The following COL1A2 variants were observed in gnomAD, a reference collection of about 807,000 sequenced individuals.
COL1A2 encodes collagen type I alpha 2 chain.
Under a neutral mutation model 174.3 loss-of-function variants are expected in COL1A2, and 49 were observed. The observed-to-expected ratio is 0.28, with a 90% CI of 0.22 to 0.36. The LOEUF (loss-of-function observed/expected upper bound fraction) is 0.36, where lower values mean the gene tolerates loss of function less well. Ranked by LOEUF, COL1A2 falls within the 10% of genes least tolerant of loss-of-function variation. The pLI, the probability that COL1A2 is intolerant of heterozygous loss-of-function variation, is 1.00. For synonymous variants in COL1A2, 655 were observed against 606.6 expected (o/e 1.08, Z -1.17); for missense variants, 1,438 against 1,822.7 (o/e 0.79, Z 3.84).
intron 3 of COL1A2, among the ~76,000 whole-genome samples, chr7:94,398,826 G>C (rs546782064): frequency 1.2e-4 from 18 of 152,016 alleles, no homozygotes; most frequent in African/African-American, 4.3e-4. Flanking sequence ...AATAGCTGAA[G>C]ACTATAGCAG....
intron 2 of COL1A2, among the ~76,000 whole-genome samples, 192 bp downstream of exon 2, chr7:94,397,950 C>A (rs549010615): frequency 6.6e-6 from 1 of 151,584 alleles, no homozygotes; most frequent in Non-Finnish European, 1.5e-5. Context: ...CCAAAATAGG[C>A]GGGGCTACTG....
In COL1A2 at chr7:94,416,453, C is replaced by G; in HGVS notation, c.1813C>G (p.Pro605Ala). Residue 605 changes from proline (P) to alanine (A), a missense_variant, in exon 31 of 52, where the codon CCT becomes GCT. Pro to Ala is a conservative substitution (Grantham distance 27). This residue lies in a region of COL1A2 where 867 missense variants were observed against 1,213.7 expected (regional missense o/e 0.71). Coordinates refer to ENST00000297268, the MANE Select transcript of COL1A2 (RefSeq NM_000089.4). Reference sequence around the variant, plus strand: ...GAGTGGTGCTGCCGGTCCTACTGGTCCTATTGGAAGCCGAGGTCCTTCTGG... The same window carrying G: ...GAGTGGTGCTGCCGGTCCTACTGGTGCTATTGGAAGCCGAGGTCCTTCTGG... ...GESGAAGPTG[P>A]IGSRGPSGPP... 1 of 1,588,200 alleles carries G rather than the reference C, an allele frequency of 6.3e-7. No homozygotes were observed. Among genetic ancestry groups the G allele is most frequent in the Non-Finnish European group, 8.6e-7 (1 of 1,166,482 alleles).
chr7:94,412,743 C>G lies in COL1A2; in HGVS notation c.1503+61C>G, dbSNP rs1791955374. On this transcript the variant is annotated intron_variant, in intron 25 of 51. Coordinates refer to ENST00000297268, the MANE Select transcript of COL1A2 (RefSeq NM_000089.4). Reference sequence around the variant, plus strand: ...TTCTGTAGCCAAATTTTACCAAACTCTAGTATTTATCTCCTGCGAATCAGT... The same window carrying G: ...TTCTGTAGCCAAATTTTACCAAACTGTAGTATTTATCTCCTGCGAATCAGT... The G allele has an allele frequency of 2.8e-6, 4 of 1,422,240 alleles. No individual in the cohort carries two copies. In the Admixed American group the frequency reaches 6.9e-5, roughly 25 times the overall value. The allele number at this position is 1,422,240 out of a possible 1,614,324, so 88.1% of individuals were successfully genotyped here.
rs1584320485 is a variant in COL1A2 at position 94,411,073 on chromosome 7, T to A, written c.1269T>A (p.Arg423=). 4 of 1,602,860 alleles carry A rather than the reference T, an allele frequency of 2.5e-6. No homozygotes were observed. In the East Asian group the frequency reaches 9.0e-5, roughly 36 times the overall value. Residue 423 remains arginine, a synonymous_variant, in exon 23 of 52, where the codon CGT becomes CGA. Coordinates refer to ENST00000297268, the MANE Select transcript of COL1A2 (RefSeq NM_000089.4). ...TTGAATAGGGCCCTCCTGGTAGTCG[T>A]GGTGCAAGTGGCCCTGCTGGAGTCC... The part of the protein sequence containing the change: ...RAGVMGPPGS[R]GASGPAGVRG...
Position 94,428,327 on chromosome 7 carries a change from T to A in COL1A2, c.3561T>A (p.Thr1187=). 6.2e-7 allele frequency: 1 copy of A among 1,614,134 alleles called. No individual in the cohort carries two copies. The highest frequency in any genetic ancestry group is 1.1e-5 in the South Asian group (1 of 91,078). ...GGATTGACCCTAACCAAGGATGCACTATGGATGCTATCAAAGTATACTGTG... is the reference window on the plus strand; with the variant it reads ...GGATTGACCCTAACCAAGGATGCACAATGGATGCTATCAAAGTATACTGTG... The part of the protein sequence containing the change: ...YYWIDPNQGC[T]MDAIKVYCDF... The change falls in exon 50 of 52, where the codon ACT becomes ACA. Residue 1187 remains threonine (T), a synonymous_variant. Transcript: ENST00000297268.
chr7:94,412,985 C>T (rs1791959572), intron 25 of COL1A2, 98 bp from the exon 26 acceptor site: 1 of 1,226,400 alleles, frequency 8.2e-7, no homozygotes, highest in Admixed American at 1.7e-5. Flanking sequence ...CAAAAGAACA[C>T]AAAAACAAGC....
chr7:94,420,713 T>A, intron 37 of COL1A2, 65 bp downstream of exon 37: 1 of 1,382,924 alleles, frequency 7.2e-7, no homozygotes, highest in Non-Finnish European at 1.0e-6. Flanking sequence ...TAAATATATA[T>A]CCGTCAAGTG....
chr7:94,420,742 A>C, intron 37 of COL1A2, 94 bp downstream of exon 37: 1 of 1,113,268 alleles, frequency 9.0e-7, no homozygotes, highest in Non-Finnish European at 1.3e-6. Context: ...GCAACAGGGA[A>C]TATACCAGAT....
intron 50 of COL1A2, 82 bp from the exon 51 acceptor site, chr7:94,429,106 T>C: frequency 9.5e-7 from 1 of 1,048,312 alleles, no homozygotes; most frequent in Non-Finnish European, 1.3e-6. Context: ...ATCTTTTTTT[T>C]TCTTTTTTTT....
chr7:94,414,015 T>C (rs1791986828), intron 28 of COL1A2, 68 bp downstream of exon 28: 5 of 1,441,764 alleles, frequency 3.5e-6, no homozygotes, highest in Non-Finnish European at 4.9e-6. Context: ...CACCATACCG[T>C]ACCTCTCTTC....
At chr7:94,414,011 ACC>A in intron 28 of COL1A2, 64 bp downstream of exon 28, 1 of 1,454,368 alleles carries the variant, frequency 6.9e-7, no homozygotes. Flanking sequence ...AAATCACCAT[ACC>A]GTACCTCTCT....
At position 94,411,168 on chromosome 7, in the gene COL1A2, T is replaced by A. The variant is rs377624499; in HGVS notation, c.1350+14T>A. 1.0e-5 allele frequency: 16 copies of A among 1,552,254 alleles called. No homozygotes were observed. The highest frequency in any genetic ancestry group is 1.4e-5 in the African/African-American group (1 of 73,336). Reference sequence around the variant, plus strand: ...ATGGGACCCAGAGTAAGTTTCAAACTGATTCTGAGCAAATCACACCTGGCA... The same window carrying A: ...ATGGGACCCAGAGTAAGTTTCAAACAGATTCTGAGCAAATCACACCTGGCA... On this transcript the variant is annotated intron_variant, in intron 23 of 51. Transcript: ENST00000297268.
At position 94,417,831 on chromosome 7, in the gene COL1A2, G is replaced by T; in HGVS notation, c.1971G>T (p.Lys657Asn). 1 of 1,589,536 alleles carries T rather than the reference G, an allele frequency of 6.3e-7. No homozygotes were observed. Among genetic ancestry groups the T allele is most frequent in the Non-Finnish European group, 8.6e-7 (1 of 1,166,800 alleles). The change falls in exon 32 of 52, where the codon AAG (lysine) becomes AAT (asparagine). Residue 657 changes from lysine to asparagine, a missense_variant and splice_region_variant. Lys to Asn is a moderately conservative substitution (Grantham distance 94, BLOSUM62 0). Transcript: ENST00000297268. ...AAGIPGGKGE[K>N]GEPGLRGEIG... Reference sequence around the variant, plus strand: ...GCATACCTGGAGGCAAGGGAGAAAAGGTACGTGTTGACCCCTATTACATAT... The same window carrying T: ...GCATACCTGGAGGCAAGGGAGAAAATGTACGTGTTGACCCCTATTACATAT...
rs1448901436 is a variant in COL1A2, at chr7:94,427,534, TC to T, written c.3268-91del. ...TATTTTTTACTGATGAGAACATGCT[TC>T]CGTGTGAAGCTCAACTGAAAATCTG... On this transcript the variant is annotated intron_variant, in intron 48 of 51. Transcript: ENST00000297268. 1.3e-4 allele frequency: 183 copies of T among 1,433,566 alleles called. 2 individuals carry two copies. In the East Asian group the frequency reaches 4.1e-3, roughly 32 times the overall value. 88.8% of individuals were successfully genotyped at this position (1,433,566 alleles called of 1,614,324 possible). A position where few individuals can be genotyped will look rare whatever the true frequency, so the allele number is the denominator to read the frequency against.
chr7:94,427,169 T>G lies in COL1A2; in HGVS notation c.3160-19T>G. 1 of 1,613,010 alleles carries G rather than the reference T, an allele frequency of 6.2e-7. No homozygotes were observed. Among genetic ancestry groups the G allele is most frequent in the Non-Finnish European group, 8.5e-7 (1 of 1,179,088 alleles). On this transcript the variant is annotated intron_variant, in intron 47 of 51. Transcript: ENST00000297268. ...TGGGATTCACCAGCTCACATGTACC[T>G]GGTGTCTGTCTTCCTTAGGGCCCTG... is the stretch of plus-strand genomic sequence containing the variant.
In COL1A2 at chr7:94,395,007, G is replaced by A; in HGVS notation, c.-25G>A. The A allele has an allele frequency of 1.9e-6, 3 of 1,610,636 alleles. No homozygotes were observed. Among genetic ancestry groups the A allele is most frequent in the Non-Finnish European group, 2.5e-6 (3 of 1,177,914 alleles). On this transcript the variant is annotated 5_prime_UTR_variant, in exon 1 of 52. Coordinates refer to ENST00000297268, the MANE Select transcript of COL1A2 (RefSeq NM_000089.4). ...TGACCCAGGGGCTCTGCGACACAAGGAGTCTGCATGTCTAAGTGCTAGACA... is the reference window on the plus strand; with the variant it reads ...TGACCCAGGGGCTCTGCGACACAAGAAGTCTGCATGTCTAAGTGCTAGACA...
intron 5 of COL1A2, 21 bp from the exon 6 acceptor site, chr7:94,401,546 T>A: frequency 5.8e-6 from 7 of 1,196,798 alleles, no homozygotes; most frequent in Non-Finnish European, 4.3e-6. Context: ...TATATATAAT[T>A]TTTTTTTTTT....
At chr7:94,405,353 A>T (rs1791774161) in intron 10 of COL1A2, 101 bp downstream of exon 10, 1 of 1,149,880 alleles carries the variant, frequency 8.7e-7, no homozygotes, top group Non-Finnish European at 1.3e-6. Flanking sequence ...TGTCACCCAA[A>T]CTCATAACAT....
intron 41 of COL1A2, 50 bp downstream of exon 41, chr7:94,424,493 A>C: frequency 6.6e-7 from 1 of 1,511,740 alleles, no homozygotes; most frequent in Non-Finnish European, 9.2e-7. Flanking sequence ...AAAGATTTTA[A>C]AAGCTGCCAC....
Sources: gnomAD v4.1 joint callset for allele counts (sites outside exome capture counted in the v4.1 genomes callset) on GRCh38, gnomAD v4.1.1 for gene constraint, gnomAD v4.1.1 regional missense constraint, MANE v1.5 for transcripts, NCBI Gene and HGNC (gene_info 2026-07-23, HGNC 2026-07-21) for gene names.